The following SLC49A4 variants were observed in gnomAD, a reference collection of about 807,000 sequenced individuals.
The protein encoded by SLC49A4 is solute carrier family 49 member 4.
SLC49A4 carries 36 observed loss-of-function variants against 50.6 expected under a neutral mutation model. That is an observed-to-expected ratio of 0.71 (90% confidence interval 0.55 to 0.94). The LOEUF is 0.94. Among genes scored for constraint, SLC49A4 ranks in the 40% least tolerant of loss-of-function variants. SLC49A4 has a pLI of 0.00. For synonymous variants in SLC49A4, 248 were observed against 241.2 expected (o/e 1.03, Z -0.26); for missense variants, 503 against 605.7 (o/e 0.83, Z 1.78).
At chr3:122,861,924 T>G (rs1479491046) in intron 7 of SLC49A4, among the ~76,000 whole-genome samples, 1 of 152,240 alleles carries the variant, frequency 6.6e-6, no homozygotes. Context: ...CATTAGATTC[T>G]GCTGCATTCT....
chr3:122,845,730 G>T, intron 4 of SLC49A4, 33 bp from the exon 5 acceptor site: 1 of 1,178,672 alleles, frequency 8.5e-7, no homozygotes. Context: ...TTTTTAATTT[G>T]TTACAATGTT....
At chr3:122,856,404 G>A in intron 6 of SLC49A4, 30 bp downstream of exon 6, 4 of 1,596,624 alleles carry the variant, frequency 2.5e-6, no homozygotes, top group Admixed American at 1.7e-5. Flanking sequence ...CTTGTGAGTG[G>A]ACAGAGCAGG....
rs534848970 is a variant in SLC49A4 at position 122,835,400 on chromosome 3, A to G, written c.833+1954A>G. On this transcript the variant is annotated intron_variant, in intron 4 of 8. Coordinates refer to ENST00000261038, the MANE Select transcript of SLC49A4 (RefSeq NM_032839.3). ...TAAAAACACTAGCTTACTGAATCCA[A>G]CAGCACATCAGAAAGATAATACACC... is the stretch of plus-strand genomic sequence containing the variant. 3.9e-5 allele frequency among the ~76,000 whole-genome samples: 6 copies of G among 152,336 alleles called. No individual in the cohort carries two copies. In the South Asian group the frequency reaches 1.0e-3, roughly 26 times the overall value.
Position 122,879,433 on chromosome 3 carries a change from C to T in SLC49A4, c.*55C>T. ...GGCTGGAAATCAATACTGCACACTG[C>T]ACATTTGCTCAGAATTGCACATCTA... On this transcript the variant is annotated 3_prime_UTR_variant, in exon 9 of 9. Coordinates refer to ENST00000261038, the MANE Select transcript of SLC49A4 (RefSeq NM_032839.3). The T allele has an allele frequency of 7.7e-7, 1 of 1,302,180 alleles. No homozygotes were observed. Among genetic ancestry groups the T allele is most frequent in the Non-Finnish European group, 1.1e-6 (1 of 915,546 alleles). The allele number at this position is 1,302,180 out of a possible 1,614,324, so 80.7% of individuals were successfully genotyped here.
intron 2 of SLC49A4, among the ~76,000 whole-genome samples, chr3:122,820,925 C>G (rs1936439826): frequency 6.6e-6 from 1 of 152,238 alleles, no homozygotes; most frequent in South Asian, 2.1e-4. Flanking sequence ...TGTCCCCACC[C>G]AAATCTCATC....
intron 8 of SLC49A4, among the ~76,000 whole-genome samples, chr3:122,875,254 C>T (rs1243759064): frequency 6.6e-6 from 1 of 152,164 alleles, no homozygotes; most frequent in Non-Finnish European, 1.5e-5. Context: ...AGCCAGTGTT[C>T]ATATGTCATT....
At chr3:122,805,132 A>C (rs1936196354) in intron 1 of SLC49A4, among the ~76,000 whole-genome samples, 1 of 152,166 alleles carries the variant, frequency 6.6e-6, no homozygotes, top group East Asian at 1.9e-4. Flanking sequence ...GATATTTATG[A>C]CCATGTATGT....
At chr3:122,819,717 A>T (rs886977733) in intron 2 of SLC49A4, among the ~76,000 whole-genome samples, 5 of 152,168 alleles carry the variant, frequency 3.3e-5, no homozygotes, top group African/African-American at 1.2e-4. Flanking sequence ...AATTCATAAC[A>T]TCTCTAACCC....
intron 2 of SLC49A4, among the ~76,000 whole-genome samples, chr3:122,812,047 C>T (rs1936306837): frequency 6.6e-6 from 1 of 152,126 alleles, no homozygotes; most frequent in Non-Finnish European, 1.5e-5. Context: ...CCTCAAACTC[C>T]TAGGCTCAAG....
chr3:122,844,321 C>T (rs1039692945), intron 4 of SLC49A4, among the ~76,000 whole-genome samples: 4 of 152,166 alleles, frequency 2.6e-5, no homozygotes, highest in African/African-American at 9.7e-5. Context: ...TATTCTCCTA[C>T]CTTGGTCTCC....
chr3:122,825,555 G>A (rs1452456332), intron 2 of SLC49A4, among the ~76,000 whole-genome samples: 2 of 151,214 alleles, frequency 1.3e-5, no homozygotes, highest in African/African-American at 2.4e-5. Flanking sequence ...CTACATTAGG[G>A]CCCTTCCTCT....
intron 1 of SLC49A4, among the ~76,000 whole-genome samples, chr3:122,799,068 G>A (rs535945125): frequency 6.6e-6 from 1 of 152,258 alleles, no homozygotes; most frequent in African/African-American, 2.4e-5. Flanking sequence ...CCAAGACCAA[G>A]TGTGCCCTCG....
chr3:122,816,351 T>A (rs13314128), intron 2 of SLC49A4, among the ~76,000 whole-genome samples: 4 of 151,670 alleles, frequency 2.6e-5, no homozygotes, highest in Admixed American at 6.6e-5. Flanking sequence ...TTTATATCTC[T>A]CTTGTGCCAT....
intron 4 of SLC49A4, among the ~76,000 whole-genome samples, chr3:122,840,638 T>C (rs1255608062): frequency 6.6e-6 from 1 of 152,162 alleles, no homozygotes; most frequent in Admixed American, 6.5e-5. Flanking sequence ...ATAACATCTT[T>C]GATATTCAGT....
Position 122,881,044 on chromosome 3 carries a change from A to G in SLC49A4, c.*1666A>G, listed in dbSNP as rs1937333186. 6.6e-6 allele frequency: 1 copy of G among 152,228 alleles called. No individual in the cohort carries two copies. The highest frequency in any genetic ancestry group is 2.4e-5 in the African/African-American group (1 of 41,458). 9.4% of individuals were successfully genotyped at this position (152,228 alleles called of 1,614,324 possible). A position where few individuals can be genotyped will look rare whatever the true frequency, so the allele number is the denominator to read the frequency against. On this transcript the variant is annotated 3_prime_UTR_variant, in exon 9 of 9. Coordinates refer to ENST00000261038, the MANE Select transcript of SLC49A4 (RefSeq NM_032839.3). ...CTCACTTAGCAGAAGGACTGAAGGAACTAAGGAACTTGCTAAAGAGAAGAA... is the reference window on the plus strand; with the variant it reads ...CTCACTTAGCAGAAGGACTGAAGGAGCTAAGGAACTTGCTAAAGAGAAGAA...
chr3:122,873,886 G>C (rs1216738848), intron 8 of SLC49A4, among the ~76,000 whole-genome samples: 1 of 152,166 alleles, frequency 6.6e-6, no homozygotes, highest in Non-Finnish European at 1.5e-5. Flanking sequence ...GTGGCTTATT[G>C]CCTGTCTGCC....
Position 122,833,460 on chromosome 3 carries a change from G to A in SLC49A4, c.833+14G>A, listed in dbSNP as rs1386279266. The A allele has an allele frequency of 1.2e-6, 2 of 1,607,880 alleles. No individual in the cohort carries two copies. The highest frequency in any genetic ancestry group is 2.7e-5 in the African/African-American group (2 of 74,730). ...TAGATTATTAAGGTAAATATACTGA[G>A]AGTCACTGGATGGCTTTGACTGACA... is the stretch of plus-strand genomic sequence containing the variant. On this transcript the variant is annotated intron_variant, in intron 4 of 8. Transcript: ENST00000261038.
At chr3:122,868,594 C>T (rs1387881131) in intron 7 of SLC49A4, among the ~76,000 whole-genome samples, 1 of 152,202 alleles carries the variant, frequency 6.6e-6, no homozygotes, top group Non-Finnish European at 1.5e-5. Context: ...GAATAATCAG[C>T]CTCTGCTTTA....
intron 1 of SLC49A4, among the ~76,000 whole-genome samples, chr3:122,804,323 T>C (rs543095651): frequency 5.9e-5 from 9 of 152,316 alleles, no homozygotes; most frequent in African/African-American, 1.4e-4. Context: ...AAGCCATTCA[T>C]GAGGATCTGT....
Sources: allele counts gnomAD v4.1 joint callset (sites outside exome capture counted in the v4.1 genomes callset), GRCh38; gene constraint gnomAD v4.1.1; transcripts MANE v1.5; gene names NCBI Gene and HGNC (gene_info 2026-07-23, HGNC 2026-07-21).